Variants in PDCD6IP observed in about 807,000 individuals in gnomAD.
PDCD6IP encodes programmed cell death 6 interacting protein.
A neutral mutation model predicts 103.7 loss-of-function variants in PDCD6IP; 43 were observed. That is an observed-to-expected ratio of 0.41 (90% CI 0.32 to 0.53). PDCD6IP has a LOEUF of 0.53. Among genes scored for constraint, PDCD6IP ranks in the 20% least tolerant of loss-of-function variants. PDCD6IP has a pLI of 0.16. For synonymous variants in PDCD6IP, 354 were observed against 378.7 expected (o/e 0.93, Z 0.76); for missense variants, 871 against 1,036.7 (o/e 0.84, Z 2.20).
chr3:33,806,629 G>A (rs1381603726), intron 1 of PDCD6IP, among the ~76,000 whole-genome samples: 1 of 152,176 alleles, frequency 6.6e-6, no homozygotes, highest in Non-Finnish European at 1.5e-5. Context: ...AAAACTTGCA[G>A]CCTAGGTCTA....
intron 12 of PDCD6IP, among the ~76,000 whole-genome samples, chr3:33,848,448 AG>A (rs76405839): frequency 0.18 from 27,756 of 150,712 alleles, 2,930 homozygotes; most frequent in East Asian, 0.39. Context: ...TCTGTCACCC[AG>A]GCTGGAGAGC....
Position 33,859,081 on chromosome 3 carries a change from T to C in PDCD6IP, c.2120+3821T>C, listed in dbSNP as rs949546068. On this transcript the variant is annotated intron_variant, in intron 15 of 17. Coordinates refer to ENST00000307296, the MANE Select transcript of PDCD6IP (RefSeq NM_013374.6). ...ATTAAAACACAGTGGTACTGGTACATGATTAGACAAAGACAGAATAGAAAA... is the reference window on the plus strand; with the variant it reads ...ATTAAAACACAGTGGTACTGGTACACGATTAGACAAAGACAGAATAGAAAA... Among the ~76,000 whole-genome samples, 4 of 152,272 alleles carry C rather than the reference T, an allele frequency of 2.6e-5. No individual in the cohort carries two copies. The East Asian group carries it at 5.8e-4, about 22-fold the overall frequency.
At chr3:33,805,429 CA>C (rs1696572240) in intron 1 of PDCD6IP, among the ~76,000 whole-genome samples, 1 of 149,912 alleles carries the variant, frequency 6.7e-6, no homozygotes, top group Non-Finnish European at 1.5e-5. Flanking sequence ...AAAATTTTAA[CA>C]TTTTTGTTTT....
chr3:33,829,007 TGG>T (rs1274097915), intron 7 of PDCD6IP, 38 bp downstream of exon 7: 2 of 1,499,614 alleles, frequency 1.3e-6, no homozygotes, highest in Non-Finnish European at 1.8e-6. Flanking sequence ...GTAACTAACT[TGG>T]ATCTCTCTTT....
In PDCD6IP at chr3:33,841,228, A is replaced by G. The variant is rs759441255; in HGVS notation, c.1182-669A>G. 4.4e-4 allele frequency among the ~76,000 whole-genome samples: 67 copies of G among 151,734 alleles called. 1 individual carries two copies. The highest frequency in any genetic ancestry group is 8.2e-4 in the Non-Finnish European group (56 of 67,934). ...CTTTTAGTAGAGATGGGGTTTCACC[A>G]TGTTGGCCAGGCTGGTCTCGAATTC... On this transcript the variant is annotated intron_variant, in intron 9 of 17. Coordinates refer to ENST00000307296, the MANE Select transcript of PDCD6IP (RefSeq NM_013374.6).
At chr3:33,848,438 T>C (rs1697643024) in intron 12 of PDCD6IP, among the ~76,000 whole-genome samples, 1 of 144,878 alleles carries the variant, frequency 6.9e-6, no homozygotes. Flanking sequence ...GGAGTCTTGC[T>C]CTGTCACCCA....
intron 7 of PDCD6IP, among the ~76,000 whole-genome samples, chr3:33,833,303 G>C (rs116051946): frequency 2.0e-5 from 3 of 151,654 alleles, no homozygotes; most frequent in Non-Finnish European, 4.4e-5. Context: ...AGGGGTCTTG[G>C]TTTGTTCAAA....
chr3:33,824,077 C>G (rs1164123177), intron 4 of PDCD6IP, among the ~76,000 whole-genome samples: 1 of 152,122 alleles, frequency 6.6e-6, no homozygotes, highest in African/African-American at 2.4e-5. Context: ...AAATGAGAGA[C>G]TCAGACACTT....
At chr3:33,860,456 C>T (rs559799885) in intron 15 of PDCD6IP, among the ~76,000 whole-genome samples, 3 of 152,232 alleles carry the variant, frequency 2.0e-5, no homozygotes, top group African/African-American at 7.2e-5. Flanking sequence ...TCACAAACTG[C>T]GTACACCCAG....
chr3:33,844,367 C>G, intron 11 of PDCD6IP, 144 bp downstream of exon 11: 2 of 458,596 alleles, frequency 4.4e-6, no homozygotes, highest in Non-Finnish European at 7.8e-6. Context: ...TAAAAAAGTT[C>G]ACAAAAGTAA....
chr3:33,802,583 G>T (rs949064003), intron 1 of PDCD6IP, among the ~76,000 whole-genome samples: 1 of 150,866 alleles, frequency 6.6e-6, no homozygotes, highest in East Asian at 1.9e-4. Flanking sequence ...TCCGCCTCTC[G>T]GGTTCAAACG....
intron 12 of PDCD6IP, among the ~76,000 whole-genome samples, chr3:33,850,772 ATTCT>A (rs550012250): frequency 6.6e-6 from 1 of 151,834 alleles, no homozygotes; most frequent in South Asian, 2.1e-4. Context: ...CCCACGTATG[ATTCT>A]TTCTCCTCCT....
At chr3:33,829,633 T>A (rs115718718) in intron 7 of PDCD6IP, among the ~76,000 whole-genome samples, 2,328 of 152,214 alleles carry the variant, frequency 0.015, 25 homozygotes, top group South Asian at 0.026. Flanking sequence ...CAAGAGCTGT[T>A]TGTATGAGTT....
chr3:33,822,936 T>A (rs1051578940), intron 4 of PDCD6IP, among the ~76,000 whole-genome samples: 1 of 152,126 alleles, frequency 6.6e-6, no homozygotes, highest in Admixed American at 6.6e-5. Flanking sequence ...GGATTACAGA[T>A]GTGAGCCACC....
chr3:33,828,688 T>TCATGTCGTCTTCTCTGTTTACAC, intron 6 of PDCD6IP, 165 bp from the exon 7 acceptor site: 1 of 508,380 alleles, frequency 2.0e-6, no homozygotes, highest in Non-Finnish European at 3.2e-6. Flanking sequence ...CCACACAAAA[T>TCATGTCGTCTTCTCTGTTTACAC]CATGTCGTCT....
At chr3:33,808,072 C>A (rs1237269566) in intron 1 of PDCD6IP, among the ~76,000 whole-genome samples, 2 of 152,174 alleles carry the variant, frequency 1.3e-5, no homozygotes, top group Admixed American at 6.5e-5. Context: ...TTTACCGATT[C>A]ATTTGCTTGG....
chr3:33,808,438 C>T (rs1198890538), intron 1 of PDCD6IP, among the ~76,000 whole-genome samples: 1 of 152,146 alleles, frequency 6.6e-6, no homozygotes, highest in Non-Finnish European at 1.5e-5. Flanking sequence ...ACCACCACAC[C>T]TGGCTGACGT....
Position 33,859,667 on chromosome 3 carries a change from T to G in PDCD6IP, c.2121-4339T>G, listed in dbSNP as rs189036572. Among the ~76,000 whole-genome samples, 139 of 152,328 alleles carry G rather than the reference T, an allele frequency of 9.1e-4. No individual in the cohort carries two copies. In the Middle Eastern group the frequency reaches 0.01, roughly 11 times the overall value. Reference sequence around the variant, plus strand: ...TTCAGATTGGCAAGAATCTGAAAGTTTGATAATATGCTTTGTTGTCACATG... The same window carrying G: ...TTCAGATTGGCAAGAATCTGAAAGTGTGATAATATGCTTTGTTGTCACATG... On this transcript the variant is annotated intron_variant, in intron 15 of 17. Coordinates refer to ENST00000307296, the MANE Select transcript of PDCD6IP (RefSeq NM_013374.6).
chr3:33,799,604 T>A (rs1199993045), intron 1 of PDCD6IP: 1 of 147,954 alleles, frequency 6.8e-6, no homozygotes, highest in East Asian at 2.3e-4. Flanking sequence ...TTTGTTATTT[T>A]AGCAAACGCT....
Sources: allele counts gnomAD v4.1 joint callset (sites outside exome capture counted in the v4.1 genomes callset), GRCh38; gene constraint gnomAD v4.1.1; transcripts MANE v1.5; gene names NCBI Gene and HGNC (gene_info 2026-07-23, HGNC 2026-07-21).